Variants in RORA observed in about 807,000 individuals in gnomAD.
RORA encodes the protein RAR related orphan receptor A.
Under a neutral mutation model 69.5 loss-of-function variants are expected in RORA, and 7 were observed. The ratio of observed to expected loss-of-function variants is 0.10; its 90% CI spans 0.06 to 0.19. The LOEUF (loss-of-function observed/expected upper bound fraction) is 0.19, where lower values mean the gene tolerates loss of function less well. Among genes scored for constraint, RORA ranks in the 10% least tolerant of loss-of-function variants. The pLI is 1.00. For missense variants in RORA, 457 were observed against 663.0 expected, an observed-to-expected ratio of 0.69 and a Z score of 3.41; for synonymous variants, 261 against 240.8, an observed-to-expected ratio of 1.08 and a Z score of -0.78.
chr15:60,558,609 A>G (rs943746186), intron 2 of RORA, among the ~76,000 whole-genome samples: 6 of 152,220 alleles, frequency 3.9e-5, no homozygotes, highest in African/African-American at 1.4e-4. Flanking sequence ...ATATGGTTGG[A>G]CTTCATTAGT....
At chr15:60,908,083 T>C (rs1891597350) in intron 1 of RORA, among the ~76,000 whole-genome samples, 1 of 152,186 alleles carries the variant, frequency 6.6e-6, no homozygotes, top group Non-Finnish European at 1.5e-5. Flanking sequence ...CTGGGGCTCC[T>C]GAGTTTTTCT....
intron 2 of RORA, chr15:60,598,432 C>T (rs1596038178): frequency 6.6e-6 from 1 of 152,108 alleles, no homozygotes; most frequent in African/African-American, 2.4e-5. Context: ...AAGACTAACC[C>T]TTTTTTCCTC....
In RORA at chr15:61,128,953, G is replaced by A. The variant is rs946312482; in HGVS notation, c.166+100100C>T. 2.0e-5 allele frequency among the ~76,000 whole-genome samples: 3 copies of A among 152,196 alleles called. No homozygotes were observed. Among genetic ancestry groups the A allele is most frequent in the Admixed American group, 6.5e-5 (1 of 15,280 alleles). On this transcript the variant is annotated intron_variant, in intron 1 of 10. Coordinates refer to ENST00000335670, the MANE Select transcript of RORA (RefSeq NM_134261.3). The surrounding 1 kb of genome is among the most constrained non-coding windows in gnomAD (Gnocchi z 4.5). ...CTGCCTTGGGCCCACTCCCTTCTAC[G>A]AGTGCCCTTAACCCTTTACAAAATA...
At chr15:60,867,225 T>C (rs1251318652) in intron 1 of RORA, among the ~76,000 whole-genome samples, 1 of 152,146 alleles carries the variant, frequency 6.6e-6, no homozygotes, top group Non-Finnish European at 1.5e-5. Flanking sequence ...CTGAGTTCTT[T>C]GATCTGTTCT....
chr15:60,947,942 GACA>G (rs1263472695), intron 1 of RORA, among the ~76,000 whole-genome samples: 1 of 152,172 alleles, frequency 6.6e-6, no homozygotes, highest in Non-Finnish European at 1.5e-5. Context: ...GCTATCCACA[GACA>G]ACAACACCAC....
intron 1 of RORA, among the ~76,000 whole-genome samples, chr15:60,973,352 CA>C (rs1369510827): frequency 6.6e-6 from 1 of 152,150 alleles, no homozygotes; most frequent in African/African-American, 2.4e-5. Flanking sequence ...AGTATTTAAG[CA>C]CTTGCTTATC....
intron 1 of RORA, among the ~76,000 whole-genome samples, chr15:61,051,433 T>C (rs1021407286): frequency 1.3e-5 from 2 of 152,058 alleles, no homozygotes; most frequent in African/African-American, 4.8e-5. Context: ...CTGGGCAGGA[T>C]GAATGGTGGT....
intron 2 of RORA, among the ~76,000 whole-genome samples, chr15:60,664,939 A>G (rs148438496): frequency 6.6e-6 from 1 of 152,318 alleles, no homozygotes; most frequent in East Asian, 1.9e-4. Context: ...GCTAAAGGAC[A>G]TTTTTAAAAG....
chr15:60,647,047 T>A lies in RORA; in HGVS notation c.196+31610A>T, dbSNP rs141605980. 3.9e-3 allele frequency among the ~76,000 whole-genome samples: 601 copies of A among 152,312 alleles called. 1 individual carries two copies. The highest frequency in any genetic ancestry group is 6.5e-3 in the Non-Finnish European group (440 of 68,018). On this transcript the variant is annotated intron_variant, in intron 2 of 10. Coordinates refer to ENST00000335670, the MANE Select transcript of RORA (RefSeq NM_134261.3). ...TCTAGCAAGAGATGTAACTAGCTAT[T>A]CTCATTCCAAAATGGTTCACTTGGT...
intron 2 of RORA, among the ~76,000 whole-genome samples, chr15:60,644,460 A>G (rs1399735072): frequency 1.3e-5 from 2 of 152,244 alleles, no homozygotes; most frequent in African/African-American, 2.4e-5. Context: ...ATGTCTCTTC[A>G]TTAGAAGGGC....
At chr15:61,189,872 A>AAAC (rs1396156847) in intron 1 of RORA, among the ~76,000 whole-genome samples, 1 of 149,598 alleles carries the variant, frequency 6.7e-6, no homozygotes, top group East Asian at 1.9e-4. Context: ...AAAAAAAAAA[A>AAAC]AAAAAAAAAA....
rs1410717853 is a variant in RORA at position 60,488,807 on chromosome 15, C to G, written c.*8648G>C. 1 of 152,194 alleles carries G rather than the reference C, an allele frequency of 6.6e-6. No homozygotes were observed. Among genetic ancestry groups the G allele is most frequent in the Non-Finnish European group, 1.5e-5 (1 of 68,030 alleles). 9.4% of individuals were successfully genotyped at this position (152,194 alleles called of 1,614,324 possible). A position where few individuals can be genotyped will look rare whatever the true frequency, so the allele number is the denominator to read the frequency against. ...TTACAGAAGGCTGAGTTTGTTTACT[C>G]AAACAGAAGTTTGTGAAATTTGTGT... On this transcript the variant is annotated 3_prime_UTR_variant, in exon 11 of 11. Transcript: ENST00000335670.
At chr15:60,671,821 A>G (rs911370144) in intron 2 of RORA, among the ~76,000 whole-genome samples, 2 of 151,828 alleles carry the variant, frequency 1.3e-5, no homozygotes, top group Non-Finnish European at 2.9e-5. Context: ...CATGTTGGCC[A>G]GGCTGGTCTC....
At chr15:60,744,809 A>T (rs973672921) in intron 1 of RORA, among the ~76,000 whole-genome samples, 3 of 151,704 alleles carry the variant, frequency 2.0e-5, no homozygotes, top group Admixed American at 6.6e-5. Flanking sequence ...ATTCTCCTCT[A>T]CTCCTTCCTG....
At chr15:61,189,856 C>CAAAAAAAAA (rs71125907) in intron 1 of RORA, among the ~76,000 whole-genome samples, 2 of 42,892 alleles carry the variant, frequency 4.7e-5, no homozygotes, top group Non-Finnish European at 7.3e-5. Context: ...GACTCTGTCT[C>CAAAAAAAAA]AAAAAAAAAA....
At chr15:60,964,018 C>T (rs910056274) in intron 1 of RORA, among the ~76,000 whole-genome samples, 4 of 152,226 alleles carry the variant, frequency 2.6e-5, no homozygotes, top group African/African-American at 9.6e-5. Flanking sequence ...CTTCATTTCA[C>T]ACTTTCTCTC....
chr15:61,041,832 C>G (rs145155354), intron 1 of RORA, among the ~76,000 whole-genome samples: 1 of 152,338 alleles, frequency 6.6e-6, no homozygotes, highest in Non-Finnish European at 1.5e-5. Context: ...CAAATATTTA[C>G]TAAGGACTTA....
rs151317320 is a variant in RORA at position 60,915,392 on chromosome 15, G to C, written c.167-236706C>G. 5.6e-3 allele frequency among the ~76,000 whole-genome samples: 858 copies of C among 152,306 alleles called. 12 individuals carry two copies. Among genetic ancestry groups the C allele is most frequent in the African/African-American group, 0.02 (815 of 41,552 alleles). ...TCTCAGGCAGCACTGATTCCACTGG[G>C]GGGGCACAGGCCCCAGTGCAGAGGA... On this transcript the variant is annotated intron_variant, in intron 1 of 10. Coordinates refer to ENST00000335670, the MANE Select transcript of RORA (RefSeq NM_134261.3).
intron 1 of RORA, among the ~76,000 whole-genome samples, chr15:61,133,705 C>A (rs1286612191): frequency 1.3e-5 from 2 of 152,160 alleles, no homozygotes; most frequent in Non-Finnish European, 2.9e-5. Flanking sequence ...TCTCCTCCAA[C>A]CTGAGATAAA....
Sources: allele counts gnomAD v4.1 joint callset (sites outside exome capture counted in the v4.1 genomes callset), GRCh38; gene constraint gnomAD v4.1.1; non-coding constraint Gnocchi (gnomAD v3.1); transcripts MANE v1.5; gene names NCBI Gene and HGNC (gene_info 2026-07-23, HGNC 2026-07-21).